ADAM9: variants seen among roughly 807,000 people sequenced by gnomAD.
The protein encoded by ADAM9 is ADAM metallopeptidase domain 9.
A neutral mutation model predicts 108.1 loss-of-function variants in ADAM9; 54 were observed. That is an observed-to-expected ratio of 0.50 (90% confidence interval 0.40 to 0.63). The LOEUF is 0.63. Among genes scored for constraint, ADAM9 ranks in the 20% least tolerant of loss-of-function variants. ADAM9 has a pLI of 0.00. For missense variants in ADAM9, 830 were observed against 997.7 expected (o/e 0.83, Z 2.26); for synonymous variants, 316 against 336.0 (o/e 0.94, Z 0.65).
chr8:39,032,531 C>G (rs1292418719), intron 11 of ADAM9, among the ~76,000 whole-genome samples: 1 of 152,254 alleles, frequency 6.6e-6, no homozygotes, highest in Non-Finnish European at 1.5e-5. Context: ...TGGAAAAGCA[C>G]AGTATTTGGG....
Position 39,104,084 on chromosome 8 carries a change from T to A in ADAM9, c.*384T>A. On this transcript the variant is annotated 3_prime_UTR_variant, in exon 22 of 22. Coordinates refer to ENST00000487273, the MANE Select transcript of ADAM9 (RefSeq NM_003816.3). ...TCTGAATTTTCTACCTTAGTTATCA[T>A]TAATGTAGTTCCTCATTGAACATGT... 1 of 460,946 alleles carries A rather than the reference T, an allele frequency of 2.2e-6. No homozygotes were observed. Among genetic ancestry groups the A allele is most frequent in the East Asian group, 6.8e-5 (1 of 14,696 alleles). The allele number at this position is 460,946 out of a possible 1,614,324, so 28.6% of individuals were successfully genotyped here. A position where few individuals can be genotyped will look rare whatever the true frequency, so the allele number is the denominator to read the frequency against.
intron 15 of ADAM9, among the ~76,000 whole-genome samples, chr8:39,074,528 C>A (rs1364519285): frequency 6.6e-6 from 1 of 151,896 alleles, no homozygotes; most frequent in East Asian, 1.9e-4. Flanking sequence ...TCCTCAGCAT[C>A]CGTCTTCAAC....
In ADAM9 at chr8:39,029,938, CT is replaced by C. The variant is rs959785874; in HGVS notation, c.1130+3136del. ...CTTCCTCTTCAATATTTTGAGAAGA[CT>C]TTTTTTTCTTTTAAGCAGTTTTAGG... On this transcript the variant is annotated intron_variant, in intron 11 of 21. Coordinates refer to ENST00000487273, the MANE Select transcript of ADAM9 (RefSeq NM_003816.3). 3.9e-5 allele frequency among the ~76,000 whole-genome samples: 6 copies of C among 152,022 alleles called. No individual in the cohort carries two copies. The South Asian group carries it at 8.3e-4, about 21-fold the overall frequency.
chr8:39,081,233 G>A (rs574836109), intron 16 of ADAM9, among the ~76,000 whole-genome samples: 1 of 151,982 alleles, frequency 6.6e-6, no homozygotes, highest in East Asian at 1.9e-4. Context: ...ACAGGCGTGA[G>A]CCACTGCACC....
Position 39,084,022 on chromosome 8 carries a change from A to G in ADAM9, c.2068+949A>G, listed in dbSNP as rs544913030. Among the ~76,000 whole-genome samples, 61 of 152,278 alleles carry G rather than the reference A, an allele frequency of 4.0e-4. 1 individual carries two copies. Among genetic ancestry groups the G allele is most frequent in the South Asian group, 2.3e-3 (11 of 4,822 alleles). On this transcript the variant is annotated intron_variant, in intron 18 of 21. Transcript: ENST00000487273. ...TTGTCAGTCTTTTTAATTTTTAGCC[A>G]TTCCAGTAGGTATGTAGTGGTATTT...
intron 20 of ADAM9, among the ~76,000 whole-genome samples, chr8:39,092,301 T>A (rs1413162508): frequency 7.1e-6 from 1 of 139,952 alleles, no homozygotes; most frequent in Non-Finnish European, 1.5e-5. Flanking sequence ...TTGAAAATGA[T>A]TAGAAATCCT....
At chr8:39,024,895 G>A (rs1413737202) in intron 9 of ADAM9, among the ~76,000 whole-genome samples, 2 of 152,208 alleles carry the variant, frequency 1.3e-5, no homozygotes, top group East Asian at 3.8e-4. Context: ...TAGAAAAACA[G>A]TGTTATTCAC....
At chr8:39,100,748 T>G (rs1440370063) in intron 20 of ADAM9, among the ~76,000 whole-genome samples, 1 of 152,210 alleles carries the variant, frequency 6.6e-6, no homozygotes, top group Non-Finnish European at 1.5e-5. Context: ...ACCACCACTG[T>G]GCATTCTCTG....
intron 9 of ADAM9, 71 bp from the exon 10 acceptor site, chr8:39,025,732 A>G: frequency 1.4e-6 from 2 of 1,415,432 alleles, no homozygotes; most frequent in Non-Finnish European, 2.0e-6. Context: ...AGTTGAGATT[A>G]TTCATAAAAT....
At chr8:39,086,626 C>T (rs1839189035) in intron 18 of ADAM9, among the ~76,000 whole-genome samples, 1 of 151,596 alleles carries the variant, frequency 6.6e-6, no homozygotes, top group Admixed American at 6.6e-5. Flanking sequence ...GATATTTTTC[C>T]CTCTTTTATT....
intron 18 of ADAM9, among the ~76,000 whole-genome samples, chr8:39,088,508 C>T (rs180806019): frequency 0.033 from 4,961 of 152,090 alleles, 267 homozygotes; most frequent in African/African-American, 0.11. Flanking sequence ...CCGCCTGCCT[C>T]GGCCTCCCAA....
At chr8:39,060,492 C>T (rs1838265016) in intron 14 of ADAM9, among the ~76,000 whole-genome samples, 1 of 152,288 alleles carries the variant, frequency 6.6e-6, no homozygotes, top group Non-Finnish European at 1.5e-5. Context: ...CCAAATGGAC[C>T]TCTAAACATT....
chr8:39,080,845 A>G (rs1045361745), intron 16 of ADAM9, among the ~76,000 whole-genome samples: 1 of 151,768 alleles, frequency 6.6e-6, no homozygotes, highest in African/African-American at 2.4e-5. Context: ...CCTATAGTCA[A>G]GTTTGCTCTA....
At chr8:39,045,473 C>CACACACCTATATGTGCGTGTGTAT (rs1837721954) in intron 12 of ADAM9, among the ~76,000 whole-genome samples, 10 of 92,426 alleles carry the variant, frequency 1.1e-4, no homozygotes, top group African/African-American at 3.1e-4. Context: ...CGTGTGTGTA[C>CACACACCTATATGTGCGTGTGTAT]ACACACCTAT....
At chr8:39,096,328 A>T (rs1196594567) in intron 20 of ADAM9, among the ~76,000 whole-genome samples, 1 of 126,010 alleles carries the variant, frequency 7.9e-6, no homozygotes, top group Non-Finnish European at 1.8e-5. Flanking sequence ...CTTTGTGCAT[A>T]TTCTATAGCA....
chr8:39,030,604 G>A (rs7846203), intron 11 of ADAM9, among the ~76,000 whole-genome samples: 123,121 of 152,224 alleles, frequency 0.81, 49,945 homozygotes, highest in East Asian at 0.95. Flanking sequence ...TCCTTTGGGT[G>A]AATACCAAGG....
intron 20 of ADAM9, 73 bp from the exon 21 acceptor site, chr8:39,101,790 T>A: frequency 8.6e-7 from 1 of 1,166,142 alleles, no homozygotes; most frequent in Non-Finnish European, 1.3e-6. Flanking sequence ...TTTAAATATG[T>A]AGATTTCTTC....
intron 5 of ADAM9, among the ~76,000 whole-genome samples, chr8:39,016,513 C>T (rs1389632176): frequency 6.6e-6 from 1 of 152,006 alleles, no homozygotes; most frequent in South Asian, 2.1e-4. Context: ...TTATTTAAGA[C>T]TTGTATTTAA....
In ADAM9 at chr8:38,997,159, A is replaced by G. The variant is rs772194829; in HGVS notation, c.96A>G (p.Pro32=). ...LVGPVLGAAR[P]GFQQTSHLSS... ...GCCCAGTCCTCGGTGCGGCGCGGCC[A>G]GGTGGGTGTCCGCGCCCCGGGTCGG... is the stretch of plus-strand genomic sequence containing the variant. Residue 32 remains proline, a splice_region_variant and synonymous_variant, in exon 1 of 22, where the codon CCA becomes CCG. Transcript: ENST00000487273. 6 of 1,597,418 alleles carry G rather than the reference A, an allele frequency of 3.8e-6. No individual in the cohort carries two copies. The Admixed American group carries it at 6.7e-5, about 18-fold the overall frequency.
Sources: allele counts gnomAD v4.1 joint callset (sites outside exome capture counted in the v4.1 genomes callset), GRCh38; gene constraint gnomAD v4.1.1; transcripts MANE v1.5; gene names NCBI Gene and HGNC (gene_info 2026-07-23, HGNC 2026-07-21).